MTUS2: variants seen among roughly 807,000 people sequenced by gnomAD.
MTUS2 encodes the protein microtubule associated scaffold protein 2.
Under a neutral mutation model 114.1 loss-of-function variants are expected in MTUS2, and 40 were observed. That is an observed-to-expected ratio of 0.35 (90% CI 0.27 to 0.46). The LOEUF (loss-of-function observed/expected upper bound fraction) is 0.46. Ranked by LOEUF, MTUS2 falls within the 20% of genes least tolerant of loss-of-function variation. The pLI is 1.00. For synonymous variants in MTUS2, 688 were observed against 672.0 expected, an observed-to-expected ratio of 1.02 and a Z score of -0.37; for missense variants, 1,679 against 1,705.4, an observed-to-expected ratio of 0.98 and a Z score of 0.27.
intron 13 of MTUS2, among the ~76,000 whole-genome samples, 169 bp from the exon 14 acceptor site, chr13:29,498,249 C>T (rs1882675905): frequency 6.6e-6 from 1 of 152,210 alleles, no homozygotes; most frequent in Non-Finnish European, 1.5e-5. Flanking sequence ...AGGAAACTAG[C>T]AGGGCCCCTT....
chr13:29,220,198 A>G (rs1895854495), intron 5 of MTUS2, among the ~76,000 whole-genome samples: 2 of 151,742 alleles, frequency 1.3e-5, no homozygotes, highest in Non-Finnish European at 2.9e-5. Flanking sequence ...ATGGTGTTTC[A>G]CCATGTTGTC....
In MTUS2 at chr13:29,354,881, G is replaced by A. The variant is rs912299846; in HGVS notation, c.2906-4381G>A. Reference sequence around the variant, plus strand: ...TGTCCAAGTCCATGAAGAACTCAGCGCAGGGACTCCCTAGAGTGTCCTGCT... The same window carrying A: ...TGTCCAAGTCCATGAAGAACTCAGCACAGGGACTCCCTAGAGTGTCCTGCT... On this transcript the variant is annotated intron_variant, in intron 7 of 15. Transcript: ENST00000612955. Among the ~76,000 whole-genome samples, 13 of 152,312 alleles carry A rather than the reference G, an allele frequency of 8.5e-5. No individual in the cohort carries two copies. The South Asian group carries it at 1.0e-3, about 12-fold the overall frequency.
chr13:29,299,080 G>T (rs925658100), intron 6 of MTUS2, among the ~76,000 whole-genome samples: 2 of 152,152 alleles, frequency 1.3e-5, no homozygotes, highest in Non-Finnish European at 2.9e-5. Context: ...ATCTTTGTGG[G>T]AGAATAATAA....
chr13:29,323,505 C>T lies in MTUS2; in HGVS notation c.2807-1108C>T, dbSNP rs950257191. ...GACCTCGTGATCCGCCTGCCTCGGCCTCCCAAAGTGCTGGGATGACAGGCG... is the reference window on the plus strand; with the variant it reads ...GACCTCGTGATCCGCCTGCCTCGGCTTCCCAAAGTGCTGGGATGACAGGCG... On this transcript the variant is annotated intron_variant, in intron 6 of 15. Transcript: ENST00000612955. Among the ~76,000 whole-genome samples the T allele has an allele frequency of 2.0e-4, 30 of 152,148 alleles. 1 individual carries two copies. The highest frequency in any genetic ancestry group is 1.6e-3 in the Admixed American group (25 of 15,282).
chr13:29,069,229 G>C (rs1888799414), intron 4 of MTUS2, among the ~76,000 whole-genome samples: 1 of 152,190 alleles, frequency 6.6e-6, no homozygotes, highest in Non-Finnish European at 1.5e-5. Flanking sequence ...ATGATCTGCT[G>C]TCTGCAAGGT....
At chr13:28,959,850 G>A (rs984873325) in intron 2 of MTUS2, among the ~76,000 whole-genome samples, 17 of 152,136 alleles carry the variant, frequency 1.1e-4, no homozygotes, top group African/African-American at 4.1e-4. Flanking sequence ...CGTCCAAACC[G>A]TATCACACCA....
chr13:29,331,479 A>T (rs1170104540), intron 7 of MTUS2, among the ~76,000 whole-genome samples: 1 of 152,132 alleles, frequency 6.6e-6, no homozygotes, highest in African/African-American at 2.4e-5. Flanking sequence ...TTTCATATGG[A>T]ACCAAAAAAG....
In MTUS2 at chr13:29,440,029, C is replaced by G. The variant is rs1202035982; in HGVS notation, c.3164C>G (p.Ala1055Gly). ...GAAAAAGAGCTGTCAATCGAACTTG[C>G]AAACATCAGGGATGAAGTTGGTAAG... ...VKEKELSIEL[A>G]NIRDEVAFHT... The change falls in exon 9 of 16, where the codon GCA (alanine) becomes GGA (glycine). Residue 1055 changes from alanine (A) to glycine (G), a missense_variant. By Grantham distance (60) the Ala-to-Gly change is moderately conservative. Around this residue, in one of 3 missense-constraint regions of MTUS2, gnomAD observed 822 missense variants for 899.7 expected, o/e 0.91. Coordinates refer to ENST00000612955, the MANE Select transcript of MTUS2 (RefSeq NM_001033602.4). The G allele has an allele frequency of 5.7e-6, 9 of 1,588,036 alleles. No individual in the cohort carries two copies. Among genetic ancestry groups the G allele is most frequent in the African/African-American group, 1.3e-5 (1 of 74,774 alleles).
chr13:29,146,193 C>T (rs1892427793), intron 5 of MTUS2, among the ~76,000 whole-genome samples: 2 of 152,198 alleles, frequency 1.3e-5, no homozygotes, highest in Non-Finnish European at 2.9e-5. Flanking sequence ...ATCATAACTT[C>T]TGGGAGTCTC....
intron 5 of MTUS2, among the ~76,000 whole-genome samples, chr13:29,113,520 C>T (rs1890964199): frequency 6.6e-6 from 1 of 152,170 alleles, no homozygotes; most frequent in Non-Finnish European, 1.5e-5. Context: ...AGCCACTAGT[C>T]ACATGGAGCT....
intron 8 of MTUS2, among the ~76,000 whole-genome samples, chr13:29,363,918 T>C (rs545463076): frequency 6.6e-6 from 1 of 152,310 alleles, no homozygotes; most frequent in South Asian, 2.1e-4. Flanking sequence ...GTTGTAGATA[T>C]CATCCTCATG....
chr13:29,488,951 T>A (rs1881850224), intron 11 of MTUS2, among the ~76,000 whole-genome samples: 1 of 152,268 alleles, frequency 6.6e-6, no homozygotes, highest in Non-Finnish European at 1.5e-5. Context: ...TTCAACTTTC[T>A]CTCGCTTTAC....
chr13:29,178,174 C>G (rs1159073764), intron 5 of MTUS2, among the ~76,000 whole-genome samples: 2 of 152,034 alleles, frequency 1.3e-5, no homozygotes, highest in Non-Finnish European at 1.5e-5. Flanking sequence ...GGTCTGATCA[C>G]GTTGAATACC....
In MTUS2 at chr13:29,335,509, A is replaced by G. The variant is rs143868429; in HGVS notation, c.2905+10798A>G. 9.8e-3 allele frequency among the ~76,000 whole-genome samples: 1,498 copies of G among 152,128 alleles called. 15 individuals are homozygous for G. Among genetic ancestry groups the G allele is most frequent in the African/African-American group, 0.034 (1,394 of 41,482 alleles). ...ATGTGATCTCTGTGACCCACACCCT[A>G]TTCGTACACTCCTTCCCCTTTTGAA... On this transcript the variant is annotated intron_variant, in intron 7 of 15. Transcript: ENST00000612955.
chr13:29,014,890 A>G (rs1246144795), intron 2 of MTUS2, among the ~76,000 whole-genome samples: 3 of 152,226 alleles, frequency 2.0e-5, no homozygotes, highest in Non-Finnish European at 1.5e-5. Context: ...GTCCGGGAGC[A>G]TGGTAGGAGA....
intron 4 of MTUS2, among the ~76,000 whole-genome samples, chr13:29,063,969 A>G (rs2138658439): frequency 6.6e-6 from 1 of 152,300 alleles, no homozygotes; most frequent in South Asian, 2.1e-4. Context: ...GGGCTTCTCC[A>G]CCTCTTCACA....
chr13:28,967,169 T>C lies in MTUS2; in HGVS notation c.-242-57288T>C, dbSNP rs2138237980. The stretch of plus-strand genomic sequence containing the variant: ...CAGCAGGGGGAGGAGTCATATGGAA[T>C]GGTCAGTAGCATCATTGAAGATGAG... On this transcript the variant is annotated intron_variant, in intron 2 of 15. Coordinates refer to ENST00000612955, the MANE Select transcript of MTUS2 (RefSeq NM_001033602.4). Among the ~76,000 whole-genome samples, 2 of 152,328 alleles carry C rather than the reference T, an allele frequency of 1.3e-5. 1 individual carries two copies. The highest frequency in any genetic ancestry group is 3.9e-4 in the East Asian group (2 of 5,186).
At chr13:29,285,558 G>A (rs952633167) in intron 6 of MTUS2, among the ~76,000 whole-genome samples, 2 of 152,194 alleles carry the variant, frequency 1.3e-5, no homozygotes, top group Admixed American at 6.5e-5. Flanking sequence ...AGCCTCTGGA[G>A]TTAACTACTG....
chr13:29,341,460 A>G (rs1453432527), intron 7 of MTUS2, among the ~76,000 whole-genome samples: 1 of 152,036 alleles, frequency 6.6e-6, no homozygotes, highest in Admixed American at 6.5e-5. Flanking sequence ...AGAATTGTCT[A>G]TTCATGTCTT....
Sources: allele counts gnomAD v4.1 joint callset (sites outside exome capture counted in the v4.1 genomes callset), GRCh38; gene constraint gnomAD v4.1.1; regional missense constraint gnomAD v4.1.1; transcripts MANE v1.5; gene names NCBI Gene and HGNC (gene_info 2026-07-23, HGNC 2026-07-21).